Variants in FNDC3A observed in about 807,000 individuals in gnomAD.
FNDC3A encodes the protein fibronectin type III domain containing 3A.
In FNDC3A, 32 loss-of-function variants were observed where a neutral mutation model predicts 148.9. The observed-to-expected ratio is 0.21, with a 90% CI of 0.16 to 0.29. FNDC3A has a LOEUF of 0.29. Ranked by LOEUF, FNDC3A falls within the 10% of genes least tolerant of loss-of-function variation. The pLI, the probability that FNDC3A is intolerant of heterozygous loss-of-function variation, is 1.00. For missense variants in FNDC3A, 1,191 were observed against 1,452.8 expected, an observed-to-expected ratio of 0.82 and a Z score of 2.93; for synonymous variants, 472 against 473.6, an observed-to-expected ratio of 1.00 and a Z score of 0.04.
intron 4 of FNDC3A, among the ~76,000 whole-genome samples, chr13:49,123,345 A>T (rs552032212): frequency 6.6e-6 from 1 of 152,276 alleles, no homozygotes; most frequent in South Asian, 2.1e-4. Flanking sequence ...ACAAAAATTA[A>T]CTCAAGATGG....
chr13:49,197,282 T>C (rs1361920819), intron 20 of FNDC3A, among the ~76,000 whole-genome samples: 1 of 152,240 alleles, frequency 6.6e-6, no homozygotes, highest in East Asian at 1.9e-4. Flanking sequence ...AGAATAGACA[T>C]ACACAGGAAT....
At chr13:49,189,118 G>GATATAAAGAC (rs1885742149) in intron 17 of FNDC3A, among the ~76,000 whole-genome samples, 1 of 151,280 alleles carries the variant, frequency 6.6e-6, no homozygotes, top group Non-Finnish European at 1.5e-5. Flanking sequence ...ATGTACCATT[G>GATATAAAGAC]ATATAAAGAC....
At chr13:49,092,609 G>A (rs985492192) in intron 3 of FNDC3A, among the ~76,000 whole-genome samples, 5 of 151,764 alleles carry the variant, frequency 3.3e-5, no homozygotes, top group Admixed American at 6.6e-5. Flanking sequence ...TCATCACACC[G>A]CCTTCATACC....
At chr13:49,200,961 T>TA (rs77842129) in intron 23 of FNDC3A, among the ~76,000 whole-genome samples, 5 of 150,822 alleles carry the variant, frequency 3.3e-5, no homozygotes, top group East Asian at 1.9e-4. Context: ...TTCCTGTCAT[T>TA]AAAAAAAAAT....
chr13:49,168,553 A>G (rs1307808189), intron 9 of FNDC3A, 60 bp from the exon 10 acceptor site: 1 of 1,279,726 alleles, frequency 7.8e-7, no homozygotes, highest in Non-Finnish European at 1.1e-6. Context: ...TAAAGGTGAC[A>G]CTATTGAAAA....
Position 49,131,348 on chromosome 13 carries a change from A to C in FNDC3A, c.464A>C (p.Gln155Pro), listed in dbSNP as rs371847209. The change falls in exon 5 of 26, where the codon CAG becomes CCG. Residue 155 changes from glutamine to proline, a missense_variant. Physicochemically the swap from Gln to Pro is moderately conservative, Grantham distance 76 (BLOSUM62 -1). Transcript: ENST00000492622. Reference sequence around the variant, plus strand: ...ACAACACAGTATATGCCACAGTATCAGTCTTCACAAGTCTATGGAGATGTA... The same window carrying C: ...ACAACACAGTATATGCCACAGTATCCGTCTTCACAAGTCTATGGAGATGTA... ...DMTTQYMPQY[Q>P]SSQVYGDVDA... The C allele has an allele frequency of 3.1e-6, 5 of 1,612,496 alleles. No homozygotes were observed. The African/African-American group carries it at 6.7e-5, about 22-fold the overall frequency.
At chr13:49,110,035 AAG>A (rs1472539878) in intron 3 of FNDC3A, among the ~76,000 whole-genome samples, 2 of 152,172 alleles carry the variant, frequency 1.3e-5, no homozygotes, top group East Asian at 1.9e-4. Context: ...ATTGAACACA[AAG>A]AGAATCATTG....
chr13:49,086,069 A>G (rs1369988568), intron 3 of FNDC3A, among the ~76,000 whole-genome samples: 1 of 152,038 alleles, frequency 6.6e-6, no homozygotes, highest in African/African-American at 2.4e-5. Flanking sequence ...TTTTGTAGAG[A>G]CAAGGTTTCA....
In FNDC3A at chr13:49,207,470, T is replaced by TA; in HGVS notation, c.*81dup. The stretch of plus-strand genomic sequence containing the variant: ...TAAAATTATTTCTGTATTGCTTTTA[T>TA]AAAAAACAGTGGCATTTAGCACTGG... On this transcript the variant is annotated 3_prime_UTR_variant, in exon 26 of 26. Transcript: ENST00000492622. 1.0e-6 allele frequency: 1 copy of TA among 990,994 alleles called. No homozygotes were observed. Among genetic ancestry groups the TA allele is most frequent in the Non-Finnish European group, 1.5e-6 (1 of 674,760 alleles). 61.4% of individuals were successfully genotyped at this position (990,994 alleles called of 1,614,324 possible). A position where few individuals can be genotyped will look rare whatever the true frequency, so the allele number is the denominator to read the frequency against.
At chr13:49,188,659 G>A (rs1355504507) in intron 17 of FNDC3A, 26 bp downstream of exon 17, 2 of 1,504,594 alleles carry the variant, frequency 1.3e-6, no homozygotes, top group Admixed American at 3.4e-5. Context: ...AGATTCTTTT[G>A]TGTTGTTATT....
chr13:49,131,564 GA>G (rs1361612420), intron 5 of FNDC3A, among the ~76,000 whole-genome samples, 190 bp downstream of exon 5: 1 of 152,160 alleles, frequency 6.6e-6, no homozygotes, highest in East Asian at 1.9e-4. Context: ...TAAGTAAACA[GA>G]AAAATCAAAG....
chr13:49,205,360 A>G (rs146280658), intron 25 of FNDC3A, among the ~76,000 whole-genome samples: 3 of 152,276 alleles, frequency 2.0e-5, no homozygotes, highest in East Asian at 1.9e-4. Context: ...TTTTTACTCA[A>G]TTTACTTCAG....
intron 16 of FNDC3A, chr13:49,187,535 C>T: frequency 6.2e-7 from 1 of 1,610,088 alleles, no homozygotes; most frequent in Non-Finnish European, 8.5e-7. Context: ...AATGCAGATC[C>T]AAAGTACAAA....
At chr13:49,036,894 C>T (rs936796629) in intron 2 of FNDC3A, among the ~76,000 whole-genome samples, 4 of 152,154 alleles carry the variant, frequency 2.6e-5, no homozygotes, top group African/African-American at 9.7e-5. Flanking sequence ...AACTAATTGT[C>T]ATGCCAAAGA....
chr13:49,204,647 C>T (rs1453456344), intron 25 of FNDC3A, among the ~76,000 whole-genome samples: 2 of 152,120 alleles, frequency 1.3e-5, no homozygotes, highest in Non-Finnish European at 2.9e-5. Context: ...TTGTATTACA[C>T]GTTTAAAGGA....
intron 3 of FNDC3A, among the ~76,000 whole-genome samples, chr13:49,084,414 A>G (rs1000832701): frequency 1.3e-5 from 2 of 152,180 alleles, no homozygotes; most frequent in African/African-American, 4.8e-5. Flanking sequence ...TACTTTTCAT[A>G]CTTGGGGATA....
chr13:49,003,774 T>G (rs61950691), intron 1 of FNDC3A, among the ~76,000 whole-genome samples: 2 of 152,166 alleles, frequency 1.3e-5, no homozygotes, highest in Non-Finnish European at 2.9e-5. Flanking sequence ...AAAAAAAAGT[T>G]GCAAGAATAG....
chr13:49,190,086 C>G (rs1287729072), intron 17 of FNDC3A, among the ~76,000 whole-genome samples: 3 of 152,200 alleles, frequency 2.0e-5, no homozygotes, highest in African/African-American at 7.2e-5. Context: ...CTGGGTTTCA[C>G]CATGTTAACC....
intron 4 of FNDC3A, among the ~76,000 whole-genome samples, chr13:49,128,496 G>A (rs922345628): frequency 6.6e-6 from 1 of 152,000 alleles, no homozygotes; most frequent in Non-Finnish European, 1.5e-5. Flanking sequence ...TGTTAATAGT[G>A]CACCTCCCCC....
Sources: allele counts gnomAD v4.1 joint callset (sites outside exome capture counted in the v4.1 genomes callset), GRCh38; gene constraint gnomAD v4.1.1; transcripts MANE v1.5; gene names NCBI Gene and HGNC (gene_info 2026-07-23, HGNC 2026-07-21).